Variants in NCKAP5 observed in about 807,000 individuals in gnomAD.
NCKAP5 encodes nck-associated protein 5.
A neutral mutation model predicts 167.0 loss-of-function variants in NCKAP5; 92 were observed. The ratio of observed to expected loss-of-function variants is 0.55; its 90% CI spans 0.47 to 0.66. The LOEUF (loss-of-function observed/expected upper bound fraction) is 0.66. Ranked by LOEUF, NCKAP5 falls within the 30% of genes least tolerant of loss-of-function variation. NCKAP5 has a pLI of 0.00. For synonymous variants in NCKAP5, 891 were observed against 877.4 expected (o/e 1.02, Z -0.27); for missense variants, 2,378 against 2,315.0 (o/e 1.03, Z -0.56).
the NCKAP5 span, among the ~76,000 whole-genome samples, chr2:133,622,368 T>C: frequency 6.6e-6 from 1 of 152,228 alleles, no homozygotes; most frequent in East Asian, 1.9e-4. Context: ...GATGATATGA[T>C]TGTATACCTA....
At chr2:132,727,841 G>C (rs1271975762) in intron 18 of NCKAP5, among the ~76,000 whole-genome samples, 1 of 152,188 alleles carries the variant, frequency 6.6e-6, no homozygotes, top group Non-Finnish European at 1.5e-5. Context: ...TCCCCTACTT[G>C]TCCATGGTCC....
chr2:133,137,145 TAC>T (rs145706412), intron 5 of NCKAP5, among the ~76,000 whole-genome samples: 9,582 of 152,272 alleles, frequency 0.063, 324 homozygotes, highest in African/African-American at 0.074. Flanking sequence ...CATATTGCAA[TAC>T]AGTTTCACCA....
At chr2:133,067,391 TA>T (rs2080235252) in intron 6 of NCKAP5, among the ~76,000 whole-genome samples, 1 of 152,172 alleles carries the variant, frequency 6.6e-6, no homozygotes, top group Admixed American at 6.5e-5. Flanking sequence ...AATAGGCAAC[TA>T]AAATTAGGAA....
chr2:133,063,517 C>A (rs1023079386), intron 6 of NCKAP5, among the ~76,000 whole-genome samples: 3 of 152,216 alleles, frequency 2.0e-5, no homozygotes, highest in African/African-American at 7.2e-5. Flanking sequence ...TTTCTGATAA[C>A]TGAATATGAG....
chr2:133,333,455 C>G (rs570762175), intron 3 of NCKAP5, among the ~76,000 whole-genome samples: 2 of 152,024 alleles, frequency 1.3e-5, no homozygotes, highest in Non-Finnish European at 2.9e-5. Context: ...TCTTCCACGA[C>G]GAGGAAAAGC....
At chr2:132,814,658 G>T (rs1332559171) in intron 11 of NCKAP5, among the ~76,000 whole-genome samples, 1 of 152,140 alleles carries the variant, frequency 6.6e-6, no homozygotes, top group Non-Finnish European at 1.5e-5. Context: ...AGATAGAAGT[G>T]ATCTCAAGAC....
intron 3 of NCKAP5, among the ~76,000 whole-genome samples, chr2:133,428,623 A>G (rs146816424): frequency 1.1e-3 from 172 of 152,240 alleles, no homozygotes; most frequent in African/African-American, 4.0e-3. Flanking sequence ...AATAGACATA[A>G]TTTACATAAC....
At chr2:133,351,501 C>T (rs369206721) in intron 3 of NCKAP5, among the ~76,000 whole-genome samples, 1 of 152,150 alleles carries the variant, frequency 6.6e-6, no homozygotes, top group Non-Finnish European at 1.5e-5. Context: ...AGAAAATGTA[C>T]CGTGCTTAAC....
chr2:133,098,757 T>C (rs910921515), intron 6 of NCKAP5, among the ~76,000 whole-genome samples: 1 of 152,236 alleles, frequency 6.6e-6, no homozygotes, highest in African/African-American at 2.4e-5. Context: ...CAAAACATTA[T>C]GTGCAATTCA....
At chr2:133,490,643 G>A (rs1407916431) in intron 3 of NCKAP5, among the ~76,000 whole-genome samples, 4 of 152,176 alleles carry the variant, frequency 2.6e-5, no homozygotes, top group Non-Finnish European at 5.9e-5. Context: ...CAAGCTGAGG[G>A]ATGAGGATGT....
At chr2:133,476,685 T>C (rs900948347) in intron 3 of NCKAP5, among the ~76,000 whole-genome samples, 1 of 152,246 alleles carries the variant, frequency 6.6e-6, no homozygotes. Context: ...AAAATTATGT[T>C]TTAAAATGTT....
the NCKAP5 span, among the ~76,000 whole-genome samples, chr2:133,603,673 G>A: frequency 6.6e-6 from 1 of 152,248 alleles, no homozygotes; most frequent in South Asian, 2.1e-4. Context: ...CCAGTAGCTG[G>A]GATTGCAGGC....
At chr2:133,624,737 C>A in the NCKAP5 span, among the ~76,000 whole-genome samples, 1 of 152,204 alleles carries the variant, frequency 6.6e-6, no homozygotes, top group South Asian at 2.1e-4. Context: ...CCATTTCCTG[C>A]CCTAACAGCC....
chr2:132,901,521 G>C (rs1693628769), intron 8 of NCKAP5, among the ~76,000 whole-genome samples: 1 of 152,152 alleles, frequency 6.6e-6, no homozygotes, highest in African/African-American at 2.4e-5. Context: ...ATGCTAATTA[G>C]CAAAATAATA....
intron 3 of NCKAP5, among the ~76,000 whole-genome samples, chr2:133,505,549 C>G (rs1196489441): frequency 6.6e-6 from 1 of 152,076 alleles, no homozygotes; most frequent in Non-Finnish European, 1.5e-5. Flanking sequence ...TGTTGTGAGT[C>G]CTTTCCCTAA....
At chr2:133,585,051 G>A in the NCKAP5 span, among the ~76,000 whole-genome samples, 1 of 151,870 alleles carries the variant, frequency 6.6e-6, no homozygotes, top group Non-Finnish European at 1.5e-5. Context: ...GAGGGTAATT[G>A]TGAGATGACA....
intron 4 of NCKAP5, among the ~76,000 whole-genome samples, chr2:133,285,861 C>A (rs111891562): frequency 5.3e-5 from 8 of 152,304 alleles, no homozygotes; most frequent in South Asian, 2.1e-4. Flanking sequence ...TGAAATTATA[C>A]ATGTTAAATT....
chr2:133,389,367 C>A (rs1351946621), intron 3 of NCKAP5, among the ~76,000 whole-genome samples: 1 of 152,182 alleles, frequency 6.6e-6, no homozygotes, highest in South Asian at 2.1e-4. Flanking sequence ...TTATCTCAGA[C>A]TGATTATCCC....
At chr2:133,304,777 T>C (rs59842197) in intron 3 of NCKAP5, among the ~76,000 whole-genome samples, 26,511 of 152,220 alleles carry the variant, frequency 0.17, 3,134 homozygotes, top group African/African-American at 0.33. Flanking sequence ...ACAGTAATCA[T>C]CAAGAGGGGG....
Sources: gnomAD v4.1 joint callset for allele counts (sites outside exome capture counted in the v4.1 genomes callset) on GRCh38, gnomAD v4.1.1 for gene constraint, MANE v1.5 for transcripts, NCBI Gene and HGNC (gene_info 2026-07-23, HGNC 2026-07-21) for gene names.